The following CAMK4 variants were observed in gnomAD, a reference collection of about 807,000 sequenced individuals.
The protein encoded by CAMK4 is calcium/calmodulin-dependent protein kinase type IV.
CAMK4 carries 22 observed loss-of-function variants against 44.9 expected under a neutral mutation model. The ratio of observed to expected loss-of-function variants is 0.49; its 90% CI spans 0.35 to 0.70. The LOEUF (loss-of-function observed/expected upper bound fraction) is 0.70, where lower values mean the gene tolerates loss of function less well. CAMK4 is among the 30% of genes least tolerant of loss of function. The pLI is 0.01. For synonymous variants in CAMK4, 218 were observed against 215.4 expected, an observed-to-expected ratio of 1.01 and a Z score of -0.11; for missense variants, 498 against 586.8, an observed-to-expected ratio of 0.85 and a Z score of 1.56.
At chr5:111,414,010 G>A (rs1044562324) in intron 5 of CAMK4, among the ~76,000 whole-genome samples, 1 of 152,062 alleles carries the variant, frequency 6.6e-6, no homozygotes, top group African/African-American at 2.4e-5. Flanking sequence ...TAAAACTTAT[G>A]ATAGCGAGAA....
intron 5 of CAMK4, among the ~76,000 whole-genome samples, chr5:111,424,041 T>A (rs1368500648): frequency 6.6e-6 from 1 of 152,198 alleles, no homozygotes; most frequent in Non-Finnish European, 1.5e-5. Context: ...CCTAAATAAG[T>A]GACTCCAGAG....
intron 2 of CAMK4, among the ~76,000 whole-genome samples, chr5:111,367,290 G>A (rs1368033787): frequency 6.6e-6 from 1 of 151,680 alleles, no homozygotes. Flanking sequence ...TTCATCAAGA[G>A]CCACTCCCAT....
intron 1 of CAMK4, among the ~76,000 whole-genome samples, chr5:111,283,242 C>G (rs1268161706): frequency 6.6e-6 from 1 of 152,162 alleles, no homozygotes; most frequent in African/African-American, 2.4e-5. Context: ...ACCAGTTAAA[C>G]TGACACCCTT....
chr5:111,279,406 C>G (rs996255676), intron 1 of CAMK4, among the ~76,000 whole-genome samples: 4 of 152,148 alleles, frequency 2.6e-5, no homozygotes, highest in African/African-American at 9.7e-5. Flanking sequence ...AGCTCCAGCC[C>G]TGAGCCATCA....
chr5:111,342,784 C>A (rs1308698316), intron 1 of CAMK4, among the ~76,000 whole-genome samples: 1 of 151,280 alleles, frequency 6.6e-6, no homozygotes, highest in Non-Finnish European at 1.5e-5. Flanking sequence ...TAGTCATTGC[C>A]ATAGGTTACA....
intron 1 of CAMK4, among the ~76,000 whole-genome samples, chr5:111,227,354 C>A (rs1422578422): frequency 6.6e-6 from 1 of 152,196 alleles, no homozygotes; most frequent in Non-Finnish European, 1.5e-5. Context: ...AATCCACCTG[C>A]TAGTGTGACT....
At chr5:111,467,373 C>CAAAAAAAA (rs34201915) in intron 7 of CAMK4, among the ~76,000 whole-genome samples, 29 of 49,490 alleles carry the variant, frequency 5.9e-4, no homozygotes, top group South Asian at 9.1e-4. Context: ...TTCTGCATAG[C>CAAAAAAAA]AAAAAAAAAA....
At chr5:111,465,604 G>C (rs1420974764) in intron 7 of CAMK4, among the ~76,000 whole-genome samples, 2 of 152,144 alleles carry the variant, frequency 1.3e-5, no homozygotes, top group Non-Finnish European at 2.9e-5. Context: ...AGGAAACCTA[G>C]AGGAGATGCA....
intron 7 of CAMK4, among the ~76,000 whole-genome samples, chr5:111,461,560 C>CGATAGG (rs1754642606): frequency 6.6e-6 from 1 of 152,088 alleles, no homozygotes; most frequent in Non-Finnish European, 1.5e-5. Flanking sequence ...CTGCTGCCGC[C>CGATAGG]CATAGGCAGC....
At chr5:111,434,443 T>G (rs1318341837) in intron 5 of CAMK4, among the ~76,000 whole-genome samples, 4 of 152,164 alleles carry the variant, frequency 2.6e-5, no homozygotes, top group Admixed American at 2.6e-4. Context: ...AAGGAGGCAT[T>G]AAGGATGACT....
At chr5:111,258,740 CGTGTGTGTGT>C (rs201959904) in intron 1 of CAMK4, among the ~76,000 whole-genome samples, 2,215 of 139,322 alleles carry the variant, frequency 0.016, 49 homozygotes, top group African/African-American at 0.055. Context: ...GAGTTATCAG[CGTGTGTGTGT>C]GTGTGTGTGT....
At chr5:111,232,858 G>T (rs1406354530) in intron 1 of CAMK4, among the ~76,000 whole-genome samples, 2 of 152,058 alleles carry the variant, frequency 1.3e-5, no homozygotes, top group African/African-American at 4.8e-5. Context: ...CCTAGACCAG[G>T]TAAAGAGTGA....
intron 7 of CAMK4, among the ~76,000 whole-genome samples, chr5:111,464,854 T>C (rs73789606): frequency 0.011 from 1,672 of 152,336 alleles, 30 homozygotes; most frequent in African/African-American, 0.038. Flanking sequence ...TATTATTTAA[T>C]ACCACACACT....
intron 1 of CAMK4, among the ~76,000 whole-genome samples, chr5:111,266,321 T>C (rs1049114826): frequency 5.3e-5 from 8 of 152,172 alleles, no homozygotes; most frequent in African/African-American, 1.4e-4. Context: ...TGCTTCCCTC[T>C]TCAACCCAGC....
At chr5:111,327,431 C>T (rs977718990) in intron 1 of CAMK4, among the ~76,000 whole-genome samples, 1 of 151,976 alleles carries the variant, frequency 6.6e-6, no homozygotes, top group African/African-American at 2.4e-5. Flanking sequence ...GGGTTGGTTC[C>T]AAGTCTTTGC....
At chr5:111,387,174 C>T (rs1751634705) in intron 4 of CAMK4, among the ~76,000 whole-genome samples, 1 of 152,010 alleles carries the variant, frequency 6.6e-6, no homozygotes, top group African/African-American at 2.4e-5. Flanking sequence ...ACAAAAATAC[C>T]AGCCAAAATT....
chr5:111,280,103 G>A (rs770945599), intron 1 of CAMK4, among the ~76,000 whole-genome samples: 45 of 152,144 alleles, frequency 3.0e-4, no homozygotes, highest in Non-Finnish European at 1.3e-4. Flanking sequence ...TGAAAAGAAC[G>A]TGAATATCTT....
At chr5:111,286,976 AG>A (rs888627244) in intron 1 of CAMK4, among the ~76,000 whole-genome samples, 15 of 152,294 alleles carry the variant, frequency 9.8e-5, no homozygotes, top group Non-Finnish European at 1.8e-4. Context: ...CCTCAGCAAA[AG>A]CATTTATCCT....
intron 4 of CAMK4, among the ~76,000 whole-genome samples, chr5:111,391,545 G>A (rs547929493): frequency 6.6e-6 from 1 of 151,540 alleles, no homozygotes; most frequent in East Asian, 1.9e-4. Context: ...ATGAAAATAA[G>A]ACAGTGTTAC....
Sources: gnomAD v4.1 joint callset for allele counts (sites outside exome capture counted in the v4.1 genomes callset) on GRCh38, gnomAD v4.1.1 for gene constraint, MANE v1.5 for transcripts, NCBI Gene and HGNC (gene_info 2026-07-23, HGNC 2026-07-21) for gene names.